Variants in ESF1 observed in about 807,000 individuals in gnomAD.
ESF1 encodes the protein ESF1 homolog.
ESF1 carries 58 observed loss-of-function variants against 92.0 expected under a neutral mutation model. That is an observed-to-expected ratio of 0.63 (90% CI 0.51 to 0.78). ESF1 has a LOEUF of 0.78. ESF1 is among the 30% of genes least tolerant of loss of function. ESF1 has a pLI of 0.00. For missense variants in ESF1, 922 were observed against 989.1 expected (o/e 0.93, Z 0.91); for synonymous variants, 321 against 313.7 (o/e 1.02, Z -0.24).
Position 13,714,890 on chromosome 20 carries a change from T to G in ESF1, c.2540A>C (p.Lys847Thr), listed in dbSNP as rs2049812435. Reference protein sequence around the residue: ...TKTEQFQARKKQKVK With the variant: ...TKTEQFQARKTQKVK ...AACATCCAGTTATTTGACTTTTTGC[T>G]TTTTTCTTGCTTGAAACTGCTCTGT... The change falls in exon 14 of 14, where the codon AAG becomes ACG. Residue 847 changes from lysine (K) to threonine (T), a missense_variant. Coordinates refer to ENST00000617257, the MANE Select transcript of ESF1 (RefSeq NM_001276380.2). 1 of 1,596,758 alleles carries G rather than the reference T, an allele frequency of 6.3e-7. No homozygotes were observed. The highest frequency in any genetic ancestry group is 1.4e-5 in the African/African-American group (1 of 73,694).
At chr20:13,728,804 T>A (rs972481817) in intron 10 of ESF1, among the ~76,000 whole-genome samples, 1 of 151,340 alleles carries the variant, frequency 6.6e-6, no homozygotes, top group Non-Finnish European at 1.5e-5. Context: ...GAGGAAGAGG[T>A]TGTGGTGAGC....
chr20:13,752,321 G>A (rs896755025), intron 9 of ESF1, among the ~76,000 whole-genome samples: 3 of 152,132 alleles, frequency 2.0e-5, no homozygotes, highest in Admixed American at 1.3e-4. Context: ...GTGTGACTTC[G>A]TACAAGTTAC....
intron 1 of ESF1, among the ~76,000 whole-genome samples, chr20:13,783,930 T>C (rs1341778831): frequency 6.6e-6 from 1 of 152,234 alleles, no homozygotes; most frequent in Non-Finnish European, 1.5e-5. Flanking sequence ...AAACAGCCTT[T>C]AGTTCTGTAA....
chr20:13,760,609 G>A (rs1428771463), intron 8 of ESF1, among the ~76,000 whole-genome samples: 17 of 148,454 alleles, frequency 1.1e-4, no homozygotes, highest in Admixed American at 4.7e-4. Context: ...CAGCCACCCC[G>A]TCTGGGAAGT....
chr20:13,756,866 T>C (rs931921264), intron 9 of ESF1, among the ~76,000 whole-genome samples: 1 of 152,240 alleles, frequency 6.6e-6, no homozygotes, highest in Non-Finnish European at 1.5e-5. Context: ...AACACACCTC[T>C]GTTTTAAAAG....
In ESF1 at chr20:13,714,935, A is replaced by G. The variant is rs1376417625; in HGVS notation, c.2495T>C (p.Ile832Thr). 6.2e-7 allele frequency: 1 copy of G among 1,613,620 alleles called. No individual in the cohort carries two copies. The highest frequency in any genetic ancestry group is 8.5e-7 in the Non-Finnish European group (1 of 1,179,796). Residue 832 changes from isoleucine to threonine, a missense_variant, in exon 14 of 14, where the codon ATT becomes ACT. Coordinates refer to ENST00000617257, the MANE Select transcript of ESF1 (RefSeq NM_001276380.2). ...CTCTGTTTTGGTTTTTATAGATTTA[A>G]TCAACATTGACAAAGCAGGATCAAT... ...KSIDPALSML[I>T]KSIKTKTEQF...
At chr20:13,718,720 T>C (rs1406486068) in intron 12 of ESF1, among the ~76,000 whole-genome samples, 188 bp downstream of exon 12, 1 of 152,188 alleles carries the variant, frequency 6.6e-6, no homozygotes, top group Non-Finnish European at 1.5e-5. Flanking sequence ...TTGGAGAAAT[T>C]ATGTTTGGTA....
chr20:13,728,710 C>T (rs960404330), intron 10 of ESF1, among the ~76,000 whole-genome samples: 19 of 151,352 alleles, frequency 1.3e-4, no homozygotes, highest in Admixed American at 6.6e-4. Context: ...TCTAAAAATA[C>T]AAAAAAATTC....
At chr20:13,749,620 T>C (rs1192072801) in intron 9 of ESF1, among the ~76,000 whole-genome samples, 2 of 151,878 alleles carry the variant, frequency 1.3e-5, no homozygotes, top group Non-Finnish European at 2.9e-5. Flanking sequence ...GGCTGGAGTA[T>C]AGTGGCATGA....
chr20:13,717,284 T>A (rs1012617065), intron 13 of ESF1, 84 bp downstream of exon 13: 1 of 1,524,922 alleles, frequency 6.6e-7, no homozygotes, highest in African/African-American at 1.4e-5. Flanking sequence ...AAGGGTAACT[T>A]TGACTATGCT....
rs1380684586 is a variant in ESF1, at chr20:13,779,358, A to G, written c.638-3088T>C. Among the ~76,000 whole-genome samples the G allele has an allele frequency of 3.3e-5, 5 of 152,340 alleles. No homozygotes were observed. The South Asian group carries it at 1.0e-3, about 32-fold the overall frequency. ...ACTAGCAGTAATTTTTCATTCAAAG[A>G]TAACTGGTTATTTTAGTATACAACC... On this transcript the variant is annotated intron_variant, in intron 2 of 13. Transcript: ENST00000617257.
chr20:13,728,445 A>G lies in ESF1; in HGVS notation c.1971T>C (p.Ser657=). ...CAACATCAGAGGGAAGTTCCTCTTC[A>G]CTGGCCTCTTCAGCAAGAGCCTTAA... ...RKQKALAEEA[S]EEELPSDVDL... The change falls in exon 11 of 14, where the codon AGT becomes AGC. Residue 657 remains serine, a synonymous_variant. Transcript: ENST00000617257. The G allele has an allele frequency of 6.2e-7, 1 of 1,612,040 alleles. No homozygotes were observed. The highest frequency in any genetic ancestry group is 8.5e-7 in the Non-Finnish European group (1 of 1,179,000).
At chr20:13,775,102 A>C (rs1009997080) in intron 4 of ESF1, 55 bp downstream of exon 4, 3 of 1,226,388 alleles carry the variant, frequency 2.4e-6, no homozygotes, top group Non-Finnish European at 2.3e-6. Flanking sequence ...AAAAAAAATC[A>C]GATTTAACTT....
intron 9 of ESF1, among the ~76,000 whole-genome samples, chr20:13,748,782 G>C (rs1347511624): frequency 6.6e-6 from 1 of 151,206 alleles, no homozygotes; most frequent in Non-Finnish European, 1.5e-5. Flanking sequence ...TAGAGACAGG[G>C]TTTCACGTGT....
chr20:13,762,082 T>A (rs1000158363), intron 8 of ESF1, among the ~76,000 whole-genome samples: 2 of 152,332 alleles, frequency 1.3e-5, no homozygotes, highest in East Asian at 3.9e-4. Context: ...TGTCCTTGTA[T>A]CTTTTTTAAT....
intron 9 of ESF1, among the ~76,000 whole-genome samples, chr20:13,755,129 T>C (rs1978829889): frequency 6.6e-6 from 1 of 152,206 alleles, no homozygotes; most frequent in African/African-American, 2.4e-5. Context: ...ACACAGTGTA[T>C]AGAATAATTC....
intron 2 of ESF1, 25 bp downstream of exon 2, chr20:13,782,479 G>C: frequency 6.8e-7 from 1 of 1,480,986 alleles, no homozygotes; most frequent in Non-Finnish European, 8.9e-7. Flanking sequence ...TAACACCCAA[G>C]AATCTCTAAT....
rs1468170772 is a variant in ESF1 at position 13,782,634 on chromosome 20, T to C, written c.507A>G (p.Lys169=). Residue 169 remains lysine, a synonymous_variant, in exon 2 of 14, where the codon AAA becomes AAG. Transcript: ENST00000617257. ...CTGTAGTATGTTGAACAATGTTTTT[T>C]TTCTCTTTCTTATTTTTTTGTGTAA... The part of the protein sequence containing the change: ...KEFTQKNKKE[K]KNIVQHTTDS... The C allele has an allele frequency of 1.2e-6, 2 of 1,608,140 alleles. No homozygotes were observed. The highest frequency in any genetic ancestry group is 8.5e-7 in the Non-Finnish European group (1 of 1,178,556).
At chr20:13,717,622 C>G (rs2049838940) in intron 12 of ESF1, 108 bp from the exon 13 acceptor site, 1 of 1,250,404 alleles carries the variant, frequency 8.0e-7, no homozygotes, top group African/African-American at 1.5e-5. Context: ...GACTCAATCA[C>G]TAGAACTCTG....
Sources: gnomAD v4.1 joint callset for allele counts (sites outside exome capture counted in the v4.1 genomes callset) on GRCh38, gnomAD v4.1.1 for gene constraint, MANE v1.5 for transcripts, NCBI Gene and HGNC (gene_info 2026-07-23, HGNC 2026-07-21) for gene names.